MAD1L1: variants seen among roughly 807,000 people sequenced by gnomAD.
The protein encoded by MAD1L1 is mitotic arrest deficient 1 like 1.
Under a neutral mutation model 96.9 loss-of-function variants are expected in MAD1L1, and 95 were observed. The observed-to-expected ratio is 0.98, with a 90% CI of 0.83 to 1.16. The LOEUF (loss-of-function observed/expected upper bound fraction) is 1.16, where lower values mean the gene tolerates loss of function less well. Ranked by LOEUF, MAD1L1 falls within the 50% of genes most tolerant of loss-of-function variation. The pLI, the probability that MAD1L1 is intolerant of heterozygous loss-of-function variation, is 0.00. For synonymous variants in MAD1L1, 473 were observed against 396.6 expected, an observed-to-expected ratio of 1.19 and a Z score of -2.29; for missense variants, 1,007 against 954.4, an observed-to-expected ratio of 1.06 and a Z score of -0.73.
chr7:2,222,564 G>GCC lies in MAD1L1; in HGVS notation c.471+9_471+10dup, dbSNP rs746347845. 4.4e-6 allele frequency: 7 copies of GCC among 1,582,306 alleles called. No homozygotes were observed. The South Asian group carries it at 6.9e-5, about 16-fold the overall frequency. On this transcript the variant is annotated intron_variant, in intron 5 of 18. Transcript: ENST00000265854. ...GAAAACAGCTCCCTGCGCAGCAGAG[G>GCC]CCCCGCTCACCTCGCCAGCCTGGGC...
intron 12 of MAD1L1, among the ~76,000 whole-genome samples, chr7:2,040,817 T>G (rs933563859): frequency 6.6e-6 from 1 of 152,236 alleles, no homozygotes; most frequent in Non-Finnish European, 1.5e-5. Flanking sequence ...TTCATTATAC[T>G]TAACAGAAGG....
intron 4 of MAD1L1, among the ~76,000 whole-genome samples, chr7:2,224,273 C>T (rs1216448842): frequency 1.3e-5 from 2 of 152,152 alleles, no homozygotes; most frequent in African/African-American, 2.4e-5. Flanking sequence ...TCCTCTCCAC[C>T]CCTAACAAGG....
intron 10 of MAD1L1, among the ~76,000 whole-genome samples, chr7:2,158,844 G>C (rs952004517): frequency 6.7e-6 from 1 of 149,584 alleles, no homozygotes; most frequent in African/African-American, 2.6e-5. Flanking sequence ...GGTTCTGCAG[G>C]AGCCACCTGC....
chr7:2,096,071 A>G (rs1166219862), intron 11 of MAD1L1, among the ~76,000 whole-genome samples: 1 of 152,104 alleles, frequency 6.6e-6, no homozygotes, highest in Non-Finnish European at 1.5e-5. Flanking sequence ...GCAGCCCACA[A>G]ACAGGAGAAA....
At chr7:1,892,529 G>C (rs1786611146) in intron 18 of MAD1L1, among the ~76,000 whole-genome samples, 1 of 152,162 alleles carries the variant, frequency 6.6e-6, no homozygotes, top group Admixed American at 6.5e-5. Flanking sequence ...TCCCTAATCT[G>C]AAAATCTGGT....
chr7:1,938,444 A>G (rs1778726418), intron 16 of MAD1L1, among the ~76,000 whole-genome samples: 1 of 152,242 alleles, frequency 6.6e-6, no homozygotes, highest in East Asian at 1.9e-4. Context: ...GACCTTATAG[A>G]AATTAAGAAC....
At chr7:1,927,473 C>T (rs1356160774) in intron 17 of MAD1L1, among the ~76,000 whole-genome samples, 1 of 152,170 alleles carries the variant, frequency 6.6e-6, no homozygotes, top group Non-Finnish European at 1.5e-5. Flanking sequence ...GTGTTATTAA[C>T]AGCAAAGGAA....
chr7:1,960,509 C>T (rs908321912), intron 15 of MAD1L1, among the ~76,000 whole-genome samples: 1 of 152,172 alleles, frequency 6.6e-6, no homozygotes, highest in African/African-American at 2.4e-5. Context: ...GCCAGAGACG[C>T]TACTAATACC....
At chr7:2,140,463 A>G (rs908316705) in intron 11 of MAD1L1, among the ~76,000 whole-genome samples, 2 of 152,256 alleles carry the variant, frequency 1.3e-5, no homozygotes, top group Admixed American at 6.5e-5. Context: ...AGCCGGGAGC[A>G]AGAGGCCAAC....
At chr7:1,948,802 C>A (rs1273643260) in intron 16 of MAD1L1, among the ~76,000 whole-genome samples, 1 of 152,210 alleles carries the variant, frequency 6.6e-6, no homozygotes, top group African/African-American at 2.4e-5. Flanking sequence ...TCACCCTGGG[C>A]TGAACTCCTG....
chr7:2,077,859 G>T (rs1184666345), intron 11 of MAD1L1, among the ~76,000 whole-genome samples: 1 of 152,222 alleles, frequency 6.6e-6, no homozygotes, highest in African/African-American at 2.4e-5. Context: ...CCAGTCACAA[G>T]AACTGTACAC....
chr7:1,911,874 G>A (rs1788039451), intron 17 of MAD1L1, among the ~76,000 whole-genome samples: 2 of 152,260 alleles, frequency 1.3e-5, no homozygotes, highest in Admixed American at 6.5e-5. Flanking sequence ...CTTTCCAGCT[G>A]CGGCCACCTT....
At chr7:2,178,134 C>T (rs1311856943) in intron 10 of MAD1L1, among the ~76,000 whole-genome samples, 1 of 152,214 alleles carries the variant, frequency 6.6e-6, no homozygotes, top group Non-Finnish European at 1.5e-5. Flanking sequence ...AAGGGGAAGT[C>T]ATTGCCTTTT....
chr7:2,192,503 C>T (rs913587830), intron 10 of MAD1L1, among the ~76,000 whole-genome samples: 2 of 152,064 alleles, frequency 1.3e-5, no homozygotes, highest in Non-Finnish European at 2.9e-5. Context: ...TTCCATCTTC[C>T]GAAAGACAAG....
At chr7:1,826,492 G>A (rs1211832221) in intron 18 of MAD1L1, among the ~76,000 whole-genome samples, 2 of 152,032 alleles carry the variant, frequency 1.3e-5, no homozygotes, top group Non-Finnish European at 2.9e-5. Context: ...GCTCAGCTCC[G>A]CGGAGCTCCT....
intron 10 of MAD1L1, among the ~76,000 whole-genome samples, chr7:2,150,683 C>T (rs1341765206): frequency 6.6e-6 from 1 of 152,240 alleles, no homozygotes; most frequent in Non-Finnish European, 1.5e-5. Flanking sequence ...AACAAAGCTA[C>T]CAAGAGCCTG....
At chr7:1,960,518 C>T (rs1583922011) in intron 15 of MAD1L1, among the ~76,000 whole-genome samples, 1 of 152,284 alleles carries the variant, frequency 6.6e-6, no homozygotes, top group South Asian at 2.1e-4. Context: ...GCTACTAATA[C>T]CAGAAATAGT....
At chr7:1,888,452 G>T (rs1158141446) in intron 18 of MAD1L1, among the ~76,000 whole-genome samples, 1 of 147,846 alleles carries the variant, frequency 6.8e-6, no homozygotes, top group Admixed American at 6.6e-5. Flanking sequence ...ACATGTGTGT[G>T]CACGCATGTA....
intron 15 of MAD1L1, among the ~76,000 whole-genome samples, chr7:1,971,342 G>C (rs555638012): frequency 6.6e-6 from 1 of 152,308 alleles, no homozygotes; most frequent in Non-Finnish European, 1.5e-5. Context: ...CAGACACACA[G>C]AATTCTCTCG....
Sources: allele counts gnomAD v4.1 joint callset (sites outside exome capture counted in the v4.1 genomes callset), GRCh38; gene constraint gnomAD v4.1.1; transcripts MANE v1.5; gene names NCBI Gene and HGNC (gene_info 2026-07-23, HGNC 2026-07-21).